Variants in EFR3B observed in about 807,000 individuals in gnomAD.
The protein encoded by EFR3B is protein EFR3 homolog B.
In EFR3B, 64 loss-of-function variants were observed where a neutral mutation model predicts 104.7. The ratio of observed to expected loss-of-function variants is 0.61; its 90% CI spans 0.50 to 0.75. The LOEUF is 0.75. Ranked by LOEUF, EFR3B falls within the 30% of genes least tolerant of loss-of-function variation. EFR3B has a pLI of 0.00. For missense variants in EFR3B, 750 were observed against 1,078.5 expected, an observed-to-expected ratio of 0.70 and a Z score of 4.27; for synonymous variants, 385 against 417.9, an observed-to-expected ratio of 0.92 and a Z score of 0.96.
Position 25,145,068 on chromosome 2 carries a change from C to T in EFR3B, c.2142+17C>T. On this transcript the variant is annotated intron_variant, in intron 19 of 22. Coordinates refer to ENST00000403714, the MANE Select transcript of EFR3B (RefSeq NM_014971.2). ...AAGGAGGAGGTGAGTGTCCGTGCCA[C>T]CGTCCTGGGGCAGCCCCACCTCCTG... The T allele has an allele frequency of 6.4e-7, 1 of 1,551,182 alleles. No individual in the cohort carries two copies.
chr2:25,088,378 C>A (rs1669018054), intron 1 of EFR3B, among the ~76,000 whole-genome samples: 1 of 152,062 alleles, frequency 6.6e-6, no homozygotes, highest in Admixed American at 6.5e-5. Flanking sequence ...TGTTTCAGAC[C>A]CACGTGGGAA....
intron 5 of EFR3B, among the ~76,000 whole-genome samples, chr2:25,123,997 G>T (rs1294838666): frequency 1.3e-5 from 2 of 152,172 alleles, no homozygotes; most frequent in Non-Finnish European, 2.9e-5. Context: ...AAGGCCTGTG[G>T]GTGAGAGAGG....
chr2:25,085,721 T>G (rs559751369), intron 1 of EFR3B, among the ~76,000 whole-genome samples: 1 of 152,026 alleles, frequency 6.6e-6, no homozygotes, highest in South Asian at 2.1e-4. Flanking sequence ...TGCCTCAGCC[T>G]CCCAAAGTGC....
chr2:25,067,636 G>C (rs1022419524), intron 1 of EFR3B, among the ~76,000 whole-genome samples: 1 of 151,786 alleles, frequency 6.6e-6, no homozygotes, highest in Non-Finnish European at 1.5e-5. Context: ...GGTTCACCGT[G>C]TTAACCAGGG....
At chr2:25,118,462 T>C (rs566444023) in intron 4 of EFR3B, among the ~76,000 whole-genome samples, 60 of 152,286 alleles carry the variant, frequency 3.9e-4, no homozygotes, top group Admixed American at 3.1e-3. Flanking sequence ...TACACAGATA[T>C]GCCACATTTT....
chr2:25,087,367 A>G (rs1275503319), intron 1 of EFR3B, among the ~76,000 whole-genome samples: 2 of 150,980 alleles, frequency 1.3e-5, no homozygotes, highest in Non-Finnish European at 3.0e-5. Flanking sequence ...ATATGTATAT[A>G]TATATATATA....
chr2:25,065,978 G>A (rs2149171874), intron 1 of EFR3B, among the ~76,000 whole-genome samples: 3 of 152,280 alleles, frequency 2.0e-5, no homozygotes, highest in Middle Eastern at 6.8e-3. Context: ...CCTCATCTCT[G>A]GTCCTCTACT....
At chr2:25,101,129 C>G (rs1669421542) in intron 3 of EFR3B, among the ~76,000 whole-genome samples, 2 of 152,168 alleles carry the variant, frequency 1.3e-5, no homozygotes, top group South Asian at 4.1e-4. Context: ...TATGGAAGTG[C>G]TTTTCCTCTC....
At chr2:25,101,088 A>G (rs1296951184) in intron 3 of EFR3B, among the ~76,000 whole-genome samples, 1 of 152,238 alleles carries the variant, frequency 6.6e-6, no homozygotes, top group Non-Finnish European at 1.5e-5. Flanking sequence ...TTTAGAGTAT[A>G]AAGAAACTCA....
At chr2:25,083,131 T>C (rs1668856346) in intron 1 of EFR3B, among the ~76,000 whole-genome samples, 1 of 152,202 alleles carries the variant, frequency 6.6e-6, no homozygotes, top group African/African-American at 2.4e-5. Context: ...ATTGGCCATA[T>C]CACGTTTCCC....
chr2:25,129,201 T>C (rs1479076412), intron 6 of EFR3B, among the ~76,000 whole-genome samples: 1 of 151,296 alleles, frequency 6.6e-6, no homozygotes, highest in Admixed American at 6.6e-5. Flanking sequence ...CCCTCATTTT[T>C]CCCCTCGGTG....
chr2:25,110,569 G>A (rs1370241035), intron 4 of EFR3B, among the ~76,000 whole-genome samples: 1 of 152,122 alleles, frequency 6.6e-6, no homozygotes, highest in Non-Finnish European at 1.5e-5. Flanking sequence ...GAGCCTCCCT[G>A]CATCCATTCT....
chr2:25,103,028 G>C (rs1669466239), intron 3 of EFR3B, among the ~76,000 whole-genome samples: 1 of 152,122 alleles, frequency 6.6e-6, no homozygotes, highest in African/African-American at 2.4e-5. Context: ...CCTCAGGCCT[G>C]TCTCAGATTC....
intron 1 of EFR3B, among the ~76,000 whole-genome samples, chr2:25,077,120 C>T (rs1327568160): frequency 1.3e-5 from 2 of 152,170 alleles, no homozygotes; most frequent in Non-Finnish European, 2.9e-5. Context: ...TTCCTTAGCA[C>T]CAATAAAACA....
At chr2:25,129,928 C>A (rs2149204816) in intron 6 of EFR3B, 47 bp from the exon 7 acceptor site, 1 of 1,547,152 alleles carries the variant, frequency 6.5e-7, no homozygotes. Flanking sequence ...CAGAGCCTGA[C>A]CCCAGCCTGC....
chr2:25,120,802 G>A (rs1038415149), intron 4 of EFR3B, among the ~76,000 whole-genome samples: 1 of 152,248 alleles, frequency 6.6e-6, no homozygotes, highest in African/African-American at 2.4e-5. Context: ...CCCTGGTGCA[G>A]GAGGAATCTA....
chr2:25,145,730 T>A (rs1670795080), intron 19 of EFR3B: 1 of 152,194 alleles, frequency 6.6e-6, no homozygotes, highest in South Asian at 2.1e-4. Flanking sequence ...AATCTTTTTT[T>A]AAATTTACAC....
chr2:25,139,576 A>C (rs1670607480), intron 16 of EFR3B, among the ~76,000 whole-genome samples: 1 of 152,102 alleles, frequency 6.6e-6, no homozygotes, highest in Non-Finnish European at 1.5e-5. Context: ...GAAATACCGC[A>C]AAAGTGACCT....
chr2:25,080,549 C>A (rs1668773709), intron 1 of EFR3B: 2 of 492,078 alleles, frequency 4.1e-6, no homozygotes, highest in Non-Finnish European at 7.2e-6. Flanking sequence ...CCGCCTCGGC[C>A]TCCCAAAGTG....
Sources: allele counts gnomAD v4.1 joint callset (sites outside exome capture counted in the v4.1 genomes callset), GRCh38; gene constraint gnomAD v4.1.1; transcripts MANE v1.5; gene names NCBI Gene and HGNC (gene_info 2026-07-23, HGNC 2026-07-21).